Variants in KIF26B observed in about 807,000 individuals in gnomAD.
KIF26B encodes the protein kinesin-like protein KIF26B.
Under a neutral mutation model 151.2 loss-of-function variants are expected in KIF26B, and 63 were observed. The ratio of observed to expected loss-of-function variants is 0.42; its 90% CI spans 0.34 to 0.51. The LOEUF (loss-of-function observed/expected upper bound fraction) is 0.51, where lower values mean the gene tolerates loss of function less well. Ranked by LOEUF, KIF26B falls within the 20% of genes least tolerant of loss-of-function variation. The pLI, the probability that KIF26B is intolerant of heterozygous loss-of-function variation, is 0.07. For missense variants in KIF26B, 2,813 were observed against 2,913.6 expected (o/e 0.97, Z 0.79); for synonymous variants, 1,357 against 1,262.1 (o/e 1.08, Z -1.59).
At chr1:245,262,860 A>G (rs1321450866) in intron 2 of KIF26B, among the ~76,000 whole-genome samples, 1 of 152,244 alleles carries the variant, frequency 6.6e-6, no homozygotes, top group Non-Finnish European at 1.5e-5. Flanking sequence ...AGGCTGCTCT[A>G]TTCACATGCA....
chr1:245,226,856 G>T lies in KIF26B; in HGVS notation c.465+70173G>T, dbSNP rs117439764. ...CACAGTGATGTTCATTCTGGTTCCT[G>T]GGCTTAAGCTTCTAATTTGCTGTAA... On this transcript the variant is annotated intron_variant, in intron 2 of 14. Coordinates refer to ENST00000407071, the MANE Select transcript of KIF26B (RefSeq NM_018012.4). 3.9e-5 allele frequency among the ~76,000 whole-genome samples: 6 copies of T among 152,304 alleles called. No individual in the cohort carries two copies. In the East Asian group the frequency reaches 1.2e-3, roughly 29 times the overall value.
intron 2 of KIF26B, among the ~76,000 whole-genome samples, chr1:245,285,849 A>G (rs1450155923): frequency 6.6e-6 from 1 of 151,842 alleles, no homozygotes. Flanking sequence ...AAAAATAAAA[A>G]TTAGCCAGGT....
chr1:245,158,859 TGTGTGTGTGTG>T (rs1240082388), intron 2 of KIF26B, among the ~76,000 whole-genome samples: 7 of 46,158 alleles, frequency 1.5e-4, no homozygotes, highest in South Asian at 1.4e-3. Context: ...TGTGTGTGTG[TGTGTGTGTGTG>T]GTGTGTGTTT....
intron 2 of KIF26B, among the ~76,000 whole-genome samples, chr1:245,308,240 A>G (rs1671595625): frequency 6.6e-6 from 1 of 152,202 alleles, no homozygotes; most frequent in African/African-American, 2.4e-5. Flanking sequence ...AGGGAGAGGC[A>G]TGAGAAGGCT....
chr1:245,332,352 G>A (rs1672130820), intron 2 of KIF26B, among the ~76,000 whole-genome samples: 1 of 152,164 alleles, frequency 6.6e-6, no homozygotes, highest in African/African-American at 2.4e-5. Flanking sequence ...CAGGTGAGAG[G>A]TGGGTATAGC....
rs758215890 is a variant in KIF26B at position 245,688,155 on chromosome 1, G to T, written c.5172G>T (p.Ser1724=). 1.9e-6 allele frequency: 3 copies of T among 1,595,880 alleles called. No individual in the cohort carries two copies. Among genetic ancestry groups the T allele is most frequent in the Non-Finnish European group, 2.5e-6 (3 of 1,177,670 alleles). Residue 1724 remains serine, a synonymous_variant, in exon 12 of 15, where the codon TCG becomes TCT. Coordinates refer to ENST00000407071, the MANE Select transcript of KIF26B (RefSeq NM_018012.4). ...AGTSPPSSGA[S]PKAGQSKISA... is the part of the protein sequence containing the mutation. ...CCTCGCCCCCCAGCTCCGGGGCCTCGCCCAAGGCCGGCCAGTCCAAGATCT... is the reference window on the plus strand; with the variant it reads ...CCTCGCCCCCCAGCTCCGGGGCCTCTCCCAAGGCCGGCCAGTCCAAGATCT...
intron 10 of KIF26B, among the ~76,000 whole-genome samples, chr1:245,648,722 GCTACCTGC>G (rs2043980660): frequency 6.6e-6 from 1 of 152,152 alleles, no homozygotes; most frequent in South Asian, 2.1e-4. Flanking sequence ...CTACCAACTG[GCTACCTGC>G]CCTCCTGGGA....
rs140305921 is a variant in KIF26B at position 245,690,450 on chromosome 1, C to G, written c.5824+1643C>G. Among the ~76,000 whole-genome samples the G allele has an allele frequency of 8.7e-3, 1,332 of 152,338 alleles. 29 individuals carry two copies. Among genetic ancestry groups the G allele is most frequent in the African/African-American group, 0.03 (1,250 of 41,572 alleles). On this transcript the variant is annotated intron_variant, in intron 12 of 14. Coordinates refer to ENST00000407071, the MANE Select transcript of KIF26B (RefSeq NM_018012.4). ...CCAGCAACTGCCCCACAGGCTTGTT[C>G]TCTGTCATGGGGTGGCTTCTTCCTG...
Position 245,646,248 on chromosome 1 carries a change from TC to T in KIF26B, c.2227del (p.Leu743SerfsTer26). 6.2e-7 allele frequency: 1 copy of T among 1,613,912 alleles called. No homozygotes were observed. The highest frequency in any genetic ancestry group is 8.5e-7 in the Non-Finnish European group (1 of 1,179,888). ...CTGCTCTGGGCAATGTCATCCTGGC[TC>T]TCGTCAATGGCAGCAAACACATTCC... ...LSALGNVILA[L>X]VNGSKHIPYK... On this transcript the variant is annotated frameshift_variant, in exon 10 of 15. Transcript: ENST00000407071. LOFTEE classifies it high-confidence loss of function.
chr1:245,482,789 A>G (rs551602920), intron 4 of KIF26B, among the ~76,000 whole-genome samples: 1 of 151,674 alleles, frequency 6.6e-6, no homozygotes, highest in East Asian at 1.9e-4. Context: ...CCCGAGGCAA[A>G]TGCGTTCCCT....
At chr1:245,629,328 G>A (rs1339544146) in intron 9 of KIF26B, among the ~76,000 whole-genome samples, 3 of 152,142 alleles carry the variant, frequency 2.0e-5, no homozygotes, top group East Asian at 1.9e-4. Flanking sequence ...GAGGCATCAC[G>A]CTACCTGACT....
chr1:245,284,292 G>T (rs1273686758), intron 2 of KIF26B, among the ~76,000 whole-genome samples: 1 of 152,084 alleles, frequency 6.6e-6, no homozygotes, highest in Non-Finnish European at 1.5e-5. Flanking sequence ...TTAAAATTAG[G>T]ATTCATATTC....
At chr1:245,696,774 G>T (rs884987) in intron 12 of KIF26B, among the ~76,000 whole-genome samples, 1 of 151,986 alleles carries the variant, frequency 6.6e-6, no homozygotes, top group African/African-American at 2.4e-5. Flanking sequence ...AACTAAATGC[G>T]ATTGTGTATG....
chr1:245,249,927 G>A (rs1046312824), intron 2 of KIF26B, among the ~76,000 whole-genome samples: 1 of 152,058 alleles, frequency 6.6e-6, no homozygotes, highest in African/African-American at 2.4e-5. Flanking sequence ...GTTATACCAC[G>A]AGACAGAAGA....
chr1:245,622,250 AC>A (rs2043672077), intron 9 of KIF26B, among the ~76,000 whole-genome samples: 2 of 90,730 alleles, frequency 2.2e-5, no homozygotes, highest in African/African-American at 6.0e-5. Context: ...TTGAAGAGAA[AC>A]AAAATATAAC....
chr1:245,539,729 T>C (rs963531379), intron 4 of KIF26B, among the ~76,000 whole-genome samples: 3 of 152,220 alleles, frequency 2.0e-5, no homozygotes, highest in Non-Finnish European at 4.4e-5. Context: ...CTGGGCTCAC[T>C]GCAACCTCCG....
intron 10 of KIF26B, among the ~76,000 whole-genome samples, chr1:245,681,567 G>A (rs909887696): frequency 1.3e-5 from 2 of 152,164 alleles, no homozygotes; most frequent in African/African-American, 4.8e-5. Context: ...ACAGGGGGAT[G>A]CGCCTTCGGC....
chr1:245,306,331 C>A (rs769815759), intron 2 of KIF26B, among the ~76,000 whole-genome samples: 4 of 152,088 alleles, frequency 2.6e-5, no homozygotes, highest in Non-Finnish European at 5.9e-5. Context: ...CTAGAAGAGG[C>A]AAATCTGTAG....
In KIF26B at chr1:245,182,839, G is replaced by A. The variant is rs557608068; in HGVS notation, c.465+26156G>A. Among the ~76,000 whole-genome samples, 124 of 152,266 alleles carry A rather than the reference G, an allele frequency of 8.1e-4. 1 individual carries two copies. Among genetic ancestry groups the A allele is most frequent in the African/African-American group, 2.8e-3 (117 of 41,550 alleles). On this transcript the variant is annotated intron_variant, in intron 2 of 14. Transcript: ENST00000407071. Reference sequence around the variant, plus strand: ...TTTAGTAGAGACAGGGTTTCACCGTGTTAGCCAGGATGGTCTTGAACCTCT... The same window carrying A: ...TTTAGTAGAGACAGGGTTTCACCGTATTAGCCAGGATGGTCTTGAACCTCT...
Sources: gnomAD v4.1 joint callset for allele counts (sites outside exome capture counted in the v4.1 genomes callset) on GRCh38, gnomAD v4.1.1 for gene constraint, MANE v1.5 for transcripts, NCBI Gene and HGNC (gene_info 2026-07-23, HGNC 2026-07-21) for gene names.